The following PCDHA10 variants were observed in gnomAD, a reference collection of about 807,000 sequenced individuals.
PCDHA10 encodes the protein protocadherin alpha 10.
PCDHA10 carries 45 observed loss-of-function variants against 61.2 expected under a neutral mutation model. That is an observed-to-expected ratio of 0.74 (90% CI 0.58 to 0.94). PCDHA10 has a LOEUF of 0.94. Among genes scored for constraint, PCDHA10 ranks in the 40% least tolerant of loss-of-function variants. The pLI is 0.00. For missense variants in PCDHA10, 1,278 were observed against 1,236.2 expected (o/e 1.03, Z -0.51); for synonymous variants, 602 against 548.8 (o/e 1.10, Z -1.35).
chr5:140,883,569 C>T (rs781786717), intron 1 of PCDHA10: 3 of 1,614,134 alleles, frequency 1.9e-6, no homozygotes, highest in Non-Finnish European at 2.5e-6. Flanking sequence ...GGCTCGCCTT[C>T]GCTGTGGGCC....
chr5:140,877,201 G>T, intron 1 of PCDHA10: 1 of 1,613,830 alleles, frequency 6.2e-7, no homozygotes, highest in South Asian at 1.1e-5. Flanking sequence ...AGGAGGCGCA[G>T]TTAGCGAGTT....
intron 1 of PCDHA10, among the ~76,000 whole-genome samples, chr5:140,973,232 G>A (rs1307717074): frequency 6.6e-6 from 1 of 152,196 alleles, no homozygotes; most frequent in Non-Finnish European, 1.5e-5. Context: ...ATAGTGACCT[G>A]AAAGAGTTAA....
intron 1 of PCDHA10, among the ~76,000 whole-genome samples, chr5:140,888,256 C>A (rs1454353322): frequency 6.6e-6 from 1 of 151,942 alleles, no homozygotes; most frequent in African/African-American, 2.4e-5. Context: ...AGCAGTAGTT[C>A]TTGATAAGAA....
chr5:140,917,294 G>A (rs1369973116), intron 1 of PCDHA10, among the ~76,000 whole-genome samples: 2 of 143,498 alleles, frequency 1.4e-5, no homozygotes, highest in Non-Finnish European at 3.0e-5. Flanking sequence ...TCCGTGTGCA[G>A]ATAGTTGTTA....
chr5:140,958,079 T>C (rs182718226), intron 1 of PCDHA10, among the ~76,000 whole-genome samples: 1 of 152,202 alleles, frequency 6.6e-6, no homozygotes, highest in East Asian at 1.9e-4. Context: ...AAGCAAAAAG[T>C]AAAGTTGTAC....
At chr5:140,928,652 A>T in intron 1 of PCDHA10, 1 of 1,614,188 alleles carries the variant, frequency 6.2e-7, no homozygotes, top group Non-Finnish European at 8.5e-7. Context: ...GTAGCAGAGG[A>T]TGCTGACAGT....
intron 3 of PCDHA10, among the ~76,000 whole-genome samples, chr5:140,984,667 T>A (rs1554246463): frequency 6.6e-6 from 1 of 152,160 alleles, no homozygotes; most frequent in Non-Finnish European, 1.5e-5. Flanking sequence ...TACTTTTAGG[T>A]TTTTAGGACT....
chr5:140,926,767 C>A (rs1323702990), intron 1 of PCDHA10: 1 of 1,359,024 alleles, frequency 7.4e-7, no homozygotes, highest in East Asian at 2.7e-5. Context: ...AGTATCCAGC[C>A]CGCAGCAGTG....
In PCDHA10 at chr5:141,010,048, C is replaced by T; in HGVS notation, c.*111C>T. 4 of 1,597,434 alleles carry T rather than the reference C, an allele frequency of 2.5e-6. No homozygotes were observed. The highest frequency in any genetic ancestry group is 3.4e-6 in the Non-Finnish European group (4 of 1,172,252). Reference sequence around the variant, plus strand: ...CTATCTACATGAGCCCTCTTAGAGACCTCAGAAATCTGCAGAAAGTTCCCT... The same window carrying T: ...CTATCTACATGAGCCCTCTTAGAGATCTCAGAAATCTGCAGAAAGTTCCCT... On this transcript the variant is annotated 3_prime_UTR_variant, in exon 4 of 4. Coordinates refer to ENST00000307360, the MANE Select transcript of PCDHA10 (RefSeq NM_018901.4).
chr5:140,968,370 A>T (rs1169551068), intron 1 of PCDHA10: 1 of 1,613,428 alleles, frequency 6.2e-7, no homozygotes, highest in African/African-American at 1.3e-5. Flanking sequence ...TATGCTGTCA[A>T]CTCCTTTGAC....
At chr5:141,009,301 T>C (rs942481990) in intron 3 of PCDHA10, among the ~76,000 whole-genome samples, 1 of 152,122 alleles carries the variant, frequency 6.6e-6, no homozygotes, top group Admixed American at 6.5e-5. Flanking sequence ...TAAAATTTTT[T>C]TTAAAAAGCT....
intron 1 of PCDHA10, among the ~76,000 whole-genome samples, chr5:140,922,186 G>A (rs2080700999): frequency 6.6e-6 from 1 of 151,230 alleles, no homozygotes; most frequent in South Asian, 2.1e-4. Context: ...CAAAAAAAAA[G>A]TCTTATCTTT....
At chr5:140,876,181 G>A in intron 1 of PCDHA10, 9 of 1,613,980 alleles carry the variant, frequency 5.6e-6, no homozygotes, top group Non-Finnish European at 7.6e-6. Flanking sequence ...GGATGTGAAT[G>A]ACAATGGTCC....
chr5:140,902,548 A>G (rs1554190491), intron 1 of PCDHA10, among the ~76,000 whole-genome samples: 1 of 152,028 alleles, frequency 6.6e-6, no homozygotes, highest in East Asian at 1.9e-4. Flanking sequence ...TTCCTTCTAT[A>G]CCCAGATTTT....
Position 141,009,714 on chromosome 5 carries a change from A to G in PCDHA10, c.2624A>G (p.Lys875Arg), listed in dbSNP as rs1175529844. 1 of 1,613,966 alleles carries G rather than the reference A, an allele frequency of 6.2e-7. No homozygotes were observed. Among genetic ancestry groups the G allele is most frequent in the Non-Finnish European group, 8.5e-7 (1 of 1,180,012 alleles). Reference protein sequence around the residue: ...WTFKYGPGNPKQSGPGELPDK... With the variant: ...WTFKYGPGNPRQSGPGELPDK... ...TTTAAATACGGACCAGGCAACCCCA[A>G]ACAATCCGGTCCCGGTGAGTTGCCC... The change falls in exon 4 of 4, where the codon AAA becomes AGA. Residue 875 changes from lysine to arginine, a missense_variant. By Grantham distance (26) the Lys-to-Arg change is conservative. Transcript: ENST00000307360.
At chr5:140,982,186 C>G (rs547938149) in intron 2 of PCDHA10, among the ~76,000 whole-genome samples, 34 of 152,372 alleles carry the variant, frequency 2.2e-4, no homozygotes, top group African/African-American at 7.7e-4. Context: ...CTCTGATGGG[C>G]TTCCTGTTAG....
chr5:140,952,266 G>T (rs2094712993), intron 1 of PCDHA10, among the ~76,000 whole-genome samples: 1 of 151,598 alleles, frequency 6.6e-6, no homozygotes, highest in South Asian at 2.1e-4. Context: ...CCATTCTGGG[G>T]TCTTGAGGGT....
intron 3 of PCDHA10, among the ~76,000 whole-genome samples, chr5:140,984,413 CAGAGAT>C (rs1244237847): frequency 1.3e-5 from 2 of 152,148 alleles, no homozygotes; most frequent in African/African-American, 4.8e-5. Context: ...ATCTTTTTTA[CAGAGAT>C]AGAGAAGGGG....
At chr5:140,918,667 G>A (rs2078804677) in intron 1 of PCDHA10, among the ~76,000 whole-genome samples, 1 of 152,172 alleles carries the variant, frequency 6.6e-6, no homozygotes, top group African/African-American at 2.4e-5. Flanking sequence ...TTGATGGTAT[G>A]AAGAGGTGAG....
Sources: gnomAD v4.1 joint callset for allele counts (sites outside exome capture counted in the v4.1 genomes callset) on GRCh38, gnomAD v4.1.1 for gene constraint, MANE v1.5 for transcripts, NCBI Gene and HGNC (gene_info 2026-07-23, HGNC 2026-07-21) for gene names.